TG: variants seen among roughly 807,000 people sequenced by gnomAD.
TG encodes thyroid hormones.
A neutral mutation model predicts 324.7 loss-of-function variants in TG; 270 were observed. The observed-to-expected ratio is 0.83, with a 90% confidence interval of 0.75 to 0.92. The LOEUF is 0.92. TG is among the 40% of genes least tolerant of loss of function. The pLI, the probability that TG is intolerant of heterozygous loss-of-function variation, is 0.00. For synonymous variants in TG, 1,401 were observed against 1,327.0 expected (o/e 1.06, Z -1.21); for missense variants, 3,591 against 3,456.4 (o/e 1.04, Z -0.98).
chr8:132,948,017 C>T (rs1278350411), intron 26 of TG, among the ~76,000 whole-genome samples: 1 of 152,136 alleles, frequency 6.6e-6, no homozygotes, highest in Non-Finnish European at 1.5e-5. Flanking sequence ...ATAAAAGAGT[C>T]CAATGTCATC....
chr8:132,900,459 T>TATG, intron 15 of TG, 120 bp downstream of exon 15: 1 of 900,186 alleles, frequency 1.1e-6, no homozygotes, highest in Non-Finnish European at 1.8e-6. Flanking sequence ...GGGGCACAGC[T>TATG]GCTGACCTCA....
chr8:133,038,359 T>G (rs957833559), intron 41 of TG: 2 of 623,396 alleles, frequency 3.2e-6, no homozygotes, highest in Non-Finnish European at 5.7e-6. Context: ...CCTTTGGTCA[T>G]GATGTGGATA....
At chr8:132,919,630 C>A in intron 21 of TG, 105 bp downstream of exon 21, 2 of 1,517,760 alleles carry the variant, frequency 1.3e-6, no homozygotes, top group Non-Finnish European at 1.8e-6. Context: ...ACAGATAATT[C>A]TTTGTGCAGG....
At chr8:132,910,792 C>G (rs1043609035) in intron 18 of TG, among the ~76,000 whole-genome samples, 1 of 152,144 alleles carries the variant, frequency 6.6e-6, no homozygotes, top group South Asian at 2.1e-4. Context: ...CACTAAGACA[C>G]CCTTTGAAAG....
intron 34 of TG, among the ~76,000 whole-genome samples, chr8:132,977,844 C>T (rs1301359772): frequency 2.6e-5 from 4 of 152,170 alleles, no homozygotes; most frequent in Non-Finnish European, 5.9e-5. Context: ...TCCCCTGTTT[C>T]TGAGGAATTG....
rs770774670 is a variant in TG, at chr8:133,133,499, G to A, written c.8027G>A (p.Arg2676Gln). 30 of 1,614,036 alleles carry A rather than the reference G, an allele frequency of 1.9e-5. 1 individual carries two copies. The highest frequency in any genetic ancestry group is 1.4e-4 in the South Asian group (13 of 91,086). Residue 2676 changes from arginine to glutamine, a missense_variant, in exon 47 of 48, where the codon CGG becomes CAG. Transcript: ENST00000220616. ...CCCAACTACCCTTATGAGTTCTCACGGAAAGTACCCACATTTGCAACCCCC... is the reference window on the plus strand; with the variant it reads ...CCCAACTACCCTTATGAGTTCTCACAGAAAGTACCCACATTTGCAACCCCC... ...GNPNYPYEFS[R>Q]KVPTFATPWP...
chr8:133,019,525 G>A, intron 38 of TG, 77 bp from the exon 39 acceptor site: 1 of 1,264,440 alleles, frequency 7.9e-7, no homozygotes, highest in Non-Finnish European at 1.2e-6. Context: ...ATGGGGTAGT[G>A]GGCTCTGACC....
intron 36 of TG, among the ~76,000 whole-genome samples, chr8:133,013,007 G>A (rs1387470278): frequency 6.6e-6 from 1 of 152,232 alleles, no homozygotes; most frequent in African/African-American, 2.4e-5. Context: ...AGGAGAGGAA[G>A]ACAGGGCTGA....
intron 24 of TG, among the ~76,000 whole-genome samples, chr8:132,933,998 G>A (rs1046245010): frequency 6.6e-6 from 1 of 152,012 alleles, no homozygotes; most frequent in Non-Finnish European, 1.5e-5. Flanking sequence ...TGCCCCTTGG[G>A]GTCCCAGACC....
rs79857384 is a variant in TG at position 132,870,381 on chromosome 8, T to C, written c.274+555T>C. Among the ~76,000 whole-genome samples, 1,258 of 146,758 alleles carry C rather than the reference T, an allele frequency of 8.6e-3. 36 individuals carry two copies. Among genetic ancestry groups the C allele is most frequent in the East Asian group, 0.086 (419 of 4,900 alleles). ...TACTGGTTTTATGCATCTAGTATGG[T>C]TGTCATGGGGGCACGCTGGCCCCAT... is the stretch of plus-strand genomic sequence containing the variant. On this transcript the variant is annotated intron_variant, in intron 3 of 47. Transcript: ENST00000220616.
chr8:133,084,485 A>G (rs926744306), intron 41 of TG, among the ~76,000 whole-genome samples: 3 of 152,246 alleles, frequency 2.0e-5, no homozygotes, highest in African/African-American at 7.2e-5. Flanking sequence ...GCTATCACTC[A>G]TGGTGTCACT....
intron 41 of TG, chr8:133,048,007 C>T (rs1839780645): frequency 3.7e-6 from 3 of 813,650 alleles, no homozygotes; most frequent in Non-Finnish European, 6.2e-6. Context: ...GCGCCACCCA[C>T]CGTACTAAGC....
chr8:133,073,296 T>C (rs2131452301), intron 41 of TG: 1 of 152,332 alleles, frequency 6.6e-6, no homozygotes, highest in South Asian at 2.1e-4. Context: ...ATTTGTCTAT[T>C]CCATAGGTTT....
chr8:133,124,587 C>A (rs1851381787), intron 45 of TG, among the ~76,000 whole-genome samples: 1 of 152,186 alleles, frequency 6.6e-6, no homozygotes, highest in Non-Finnish European at 1.5e-5. Context: ...ATAGCTATAT[C>A]TACTTCGTAG....
At chr8:133,094,326 C>T (rs868081597) in intron 41 of TG, among the ~76,000 whole-genome samples, 8 of 150,398 alleles carry the variant, frequency 5.3e-5, no homozygotes, top group Middle Eastern at 3.4e-3. Context: ...CTGCAAGCTC[C>T]GCCTCCCGGG....
chr8:133,080,681 G>A (rs949897242), intron 41 of TG, among the ~76,000 whole-genome samples: 4 of 152,136 alleles, frequency 2.6e-5, no homozygotes, highest in African/African-American at 9.7e-5. Context: ...TCAGCCCCAT[G>A]GCAATGTCAG....
intron 41 of TG, among the ~76,000 whole-genome samples, chr8:133,080,553 G>A (rs1362397943): frequency 6.6e-6 from 1 of 152,090 alleles, no homozygotes; most frequent in Non-Finnish European, 1.5e-5. Flanking sequence ...AGGCCCTGCT[G>A]CTATCCTCCT....
At chr8:133,098,458 A>C (rs1252479947) in intron 43 of TG, among the ~76,000 whole-genome samples, 1 of 152,170 alleles carries the variant, frequency 6.6e-6, no homozygotes, top group Non-Finnish European at 1.5e-5. Context: ...ACTGGGATGG[A>C]GCTGGCCATT....
Position 133,011,988 on chromosome 8 carries a change from C to T in TG, c.6350C>T (p.Thr2117Ile). The change falls in exon 36 of 48, where the codon ACT (threonine) becomes ATT (isoleucine). Residue 2117 changes from threonine (T) to isoleucine (I), a missense_variant. Coordinates refer to ENST00000220616, the MANE Select transcript of TG (RefSeq NM_003235.5). Reference sequence around the variant, plus strand: ...CACTTTGATGTTGCCCATGTCAGCACTGCTGCCACCAGCAATTTCTCTGCT... The same window carrying T: ...CACTTTGATGTTGCCCATGTCAGCATTGCTGCCACCAGCAATTTCTCTGCT... Reference protein sequence around the residue: ...IRHFDVAHVSTAATSNFSAVR... With the variant: ...IRHFDVAHVSIAATSNFSAVR... 2 of 1,614,232 alleles carry T rather than the reference C, an allele frequency of 1.2e-6. No homozygotes were observed. Among genetic ancestry groups the T allele is most frequent in the Non-Finnish European group, 8.5e-7 (1 of 1,180,046 alleles).
Sources: gnomAD v4.1 joint callset for allele counts (sites outside exome capture counted in the v4.1 genomes callset) on GRCh38, gnomAD v4.1.1 for gene constraint, MANE v1.5 for transcripts, NCBI Gene and HGNC (gene_info 2026-07-23, HGNC 2026-07-21) for gene names.